The following TPD52 variants were observed in gnomAD, a reference collection of about 807,000 sequenced individuals.
The protein encoded by TPD52 is tumor protein D52, also known as prostate and colon associated protein.
Under a neutral mutation model 31.3 loss-of-function variants are expected in TPD52, and 17 were observed. The observed-to-expected ratio is 0.54, with a 90% confidence interval of 0.37 to 0.82. The LOEUF (loss-of-function observed/expected upper bound fraction) is 0.82, where lower values mean the gene tolerates loss of function less well. Ranked by LOEUF, TPD52 falls within the 40% of genes least tolerant of loss-of-function variation. The pLI is 0.00. For missense variants in TPD52, 212 were observed against 240.1 expected (o/e 0.88, Z 0.77); for synonymous variants, 83 against 89.6 (o/e 0.93, Z 0.42).
At chr8:80,097,671 T>C (rs1328044233) in intron 1 of TPD52, among the ~76,000 whole-genome samples, 1 of 152,184 alleles carries the variant, frequency 6.6e-6, no homozygotes, top group Non-Finnish European at 1.5e-5. Flanking sequence ...TCCTGTACGG[T>C]CTGTGAAACT....
chr8:80,066,609 T>C (rs899559934), intron 1 of TPD52, among the ~76,000 whole-genome samples: 4 of 152,162 alleles, frequency 2.6e-5, no homozygotes, highest in Non-Finnish European at 4.4e-5. Context: ...TTCCTTACTG[T>C]TTTCAAAGCA....
chr8:80,120,192 C>A (rs1012656357), intron 1 of TPD52, among the ~76,000 whole-genome samples: 5 of 151,904 alleles, frequency 3.3e-5, no homozygotes, highest in Non-Finnish European at 7.4e-5. Flanking sequence ...ATGAATATTT[C>A]TAAAAAAAAA....
chr8:80,145,793 G>A lies in TPD52; in HGVS notation c.19+25632C>T, dbSNP rs930486526. On this transcript the variant is annotated intron_variant, in intron 1 of 7. Coordinates refer to ENST00000518937, the MANE Select transcript of TPD52 (RefSeq NM_001025253.3). Reference sequence around the variant, plus strand: ...CACTTGTCCGAGATGAAAGGAGGAGGGAAAAAACCCACAGTGTTCCTGAAA... The same window carrying A: ...CACTTGTCCGAGATGAAAGGAGGAGAGAAAAAACCCACAGTGTTCCTGAAA... Among the ~76,000 whole-genome samples, 4 of 152,192 alleles carry A rather than the reference G, an allele frequency of 2.6e-5. No homozygotes were observed. In the East Asian group the frequency reaches 7.7e-4, roughly 29 times the overall value.
intron 2 of TPD52, among the ~76,000 whole-genome samples, chr8:80,062,208 GAA>G (rs1168836154): frequency 6.6e-6 from 1 of 152,166 alleles, no homozygotes; most frequent in East Asian, 1.9e-4. Context: ...ACTGTCAAAA[GAA>G]AAGACATATA....
intron 1 of TPD52, among the ~76,000 whole-genome samples, chr8:80,143,182 T>C (rs912464878): frequency 3.4e-5 from 5 of 147,606 alleles, no homozygotes; most frequent in African/African-American, 1.3e-4. Flanking sequence ...AGATGAAATA[T>C]GATCAATCTA....
At chr8:80,130,405 G>A (rs1229695700) in intron 1 of TPD52, among the ~76,000 whole-genome samples, 8 of 152,138 alleles carry the variant, frequency 5.3e-5, no homozygotes, top group Non-Finnish European at 7.4e-5. Flanking sequence ...CCTAAATGTA[G>A]CAGATTTTTT....
intron 1 of TPD52, among the ~76,000 whole-genome samples, chr8:80,110,433 A>G (rs977712991): frequency 3.9e-5 from 6 of 152,218 alleles, no homozygotes; most frequent in Non-Finnish European, 8.8e-5. Flanking sequence ...ACTAAGACAA[A>G]GACAACCTAG....
chr8:80,160,014 G>C (rs1029670942), intron 1 of TPD52, among the ~76,000 whole-genome samples: 18 of 152,020 alleles, frequency 1.2e-4, no homozygotes, highest in African/African-American at 4.3e-4. Flanking sequence ...AACATAGTAA[G>C]ACCTTGCCTT....
rs773672857 is a variant in TPD52, at chr8:80,080,464, C to T, written c.20-15871G>A. 60 of 1,613,538 alleles carry T rather than the reference C, an allele frequency of 3.7e-5. No homozygotes were observed. The Middle Eastern group carries it at 6.6e-4, about 18-fold the overall frequency. Reference sequence around the variant, plus strand: ...CTCTCTACAATCCATTCCAGACAAACGCAGAATGCATGGCTGTCTAATCGC... The same window carrying T: ...CTCTCTACAATCCATTCCAGACAAATGCAGAATGCATGGCTGTCTAATCGC... On this transcript the variant is annotated intron_variant, in intron 1 of 7. Transcript: ENST00000518937.
chr8:80,120,877 C>G (rs1037213604), intron 1 of TPD52, among the ~76,000 whole-genome samples: 8 of 152,022 alleles, frequency 5.3e-5, no homozygotes, highest in African/African-American at 1.9e-4. Flanking sequence ...GCCAGGAGTT[C>G]GAGACCAGCC....
chr8:80,044,067 G>A (rs1291613847), intron 6 of TPD52, 100 bp downstream of exon 6: 7 of 1,010,076 alleles, frequency 6.9e-6, no homozygotes, highest in Non-Finnish European at 1.0e-5. Flanking sequence ...TTGTTTCAAG[G>A]GGAATTCTAG....
chr8:80,073,090 G>A (rs571198323), intron 1 of TPD52, among the ~76,000 whole-genome samples: 16 of 152,086 alleles, frequency 1.1e-4, no homozygotes, highest in Middle Eastern at 3.4e-3. Flanking sequence ...GCAACAGAGC[G>A]AGAGCGAGAA....
intron 1 of TPD52, chr8:80,127,562 C>T (rs932177623): frequency 3.9e-5 from 6 of 152,116 alleles, no homozygotes; most frequent in Non-Finnish European, 8.8e-5. Flanking sequence ...TTTTCACATC[C>T]AAACAGGTGG....
chr8:80,062,114 T>G (rs1403473335), intron 2 of TPD52, among the ~76,000 whole-genome samples: 2 of 152,192 alleles, frequency 1.3e-5, no homozygotes, highest in Non-Finnish European at 2.9e-5. Context: ...GAATAACAAT[T>G]TTTAAAAAGA....
At chr8:80,120,279 CAGG>C (rs1432116847) in intron 1 of TPD52, among the ~76,000 whole-genome samples, 2 of 152,122 alleles carry the variant, frequency 1.3e-5, no homozygotes, top group Non-Finnish European at 2.9e-5. Flanking sequence ...CACCTGAGGT[CAGG>C]AGTTCAGACC....
intron 1 of TPD52, among the ~76,000 whole-genome samples, chr8:80,132,773 G>A (rs1349706382): frequency 2.6e-5 from 4 of 152,138 alleles, no homozygotes; most frequent in South Asian, 2.1e-4. Context: ...AAAAGCAGAC[G>A]TCCTTTTGTT....
chr8:80,170,713 A>C (rs1305974811), intron 1 of TPD52, among the ~76,000 whole-genome samples: 1 of 152,186 alleles, frequency 6.6e-6, no homozygotes, highest in Non-Finnish European at 1.5e-5. Context: ...AACTATTTAA[A>C]TCTGAAAACC....
At chr8:80,152,324 G>A (rs759845134) in intron 1 of TPD52, among the ~76,000 whole-genome samples, 4 of 152,134 alleles carry the variant, frequency 2.6e-5, no homozygotes, top group Non-Finnish European at 5.9e-5. Flanking sequence ...AGAATCACAT[G>A]GGCAGAAGCA....
chr8:80,108,578 G>A lies in TPD52; in HGVS notation c.20-43985C>T, dbSNP rs59626952. ...TTGCTTCTTCTTCAAAGATATTCAC[G>A]GAAAGAACTCTGACAAGTACTCTGG... On this transcript the variant is annotated intron_variant, in intron 1 of 7. Coordinates refer to ENST00000518937, the MANE Select transcript of TPD52 (RefSeq NM_001025253.3). 2.5e-3 allele frequency among the ~76,000 whole-genome samples: 378 copies of A among 152,142 alleles called. 3 individuals carry two copies. The highest frequency in any genetic ancestry group is 8.7e-3 in the African/African-American group (363 of 41,510).
Sources: allele counts gnomAD v4.1 joint callset (sites outside exome capture counted in the v4.1 genomes callset), GRCh38; gene constraint gnomAD v4.1.1; transcripts MANE v1.5; gene names NCBI Gene and HGNC (gene_info 2026-07-23, HGNC 2026-07-21).